The following FREM1 variants were observed in gnomAD, a reference collection of about 807,000 sequenced individuals.
FREM1 encodes the protein FRAS1-related extracellular matrix protein 1.
Under a neutral mutation model 210.1 loss-of-function variants are expected in FREM1, and 220 were observed. That is an observed-to-expected ratio of 1.05 (90% CI 0.94 to 1.17). The LOEUF (loss-of-function observed/expected upper bound fraction) is 1.17. Among genes scored for constraint, FREM1 ranks in the 50% most tolerant of loss-of-function variants. The pLI, the probability that FREM1 is intolerant of heterozygous loss-of-function variation, is 0.00. For missense variants in FREM1, 3,454 were observed against 2,675.5 expected (o/e 1.29, Z -6.42); for synonymous variants, 1,189 against 980.2 (o/e 1.21, Z -3.98).
intron 35 of FREM1, among the ~76,000 whole-genome samples, chr9:14,742,734 T>C (rs1297913013): frequency 6.6e-6 from 1 of 152,176 alleles, no homozygotes; most frequent in Non-Finnish European, 1.5e-5. Context: ...TTAGGATCCA[T>C]AATTTAATAA....
At chr9:14,863,926 T>C in intron 2 of FREM1, 23 bp from the exon 3 acceptor site, 2 of 1,425,666 alleles carry the variant, frequency 1.4e-6, no homozygotes, top group Non-Finnish European at 2.0e-6. Flanking sequence ...AAGAATTGGA[T>C]AAATATCTAT....
intron 19 of FREM1, among the ~76,000 whole-genome samples, chr9:14,804,510 G>A (rs556694571): frequency 1.1e-4 from 17 of 152,198 alleles, no homozygotes; most frequent in Admixed American, 2.0e-4. Flanking sequence ...GCGTGAACCC[G>A]GGGGGCGGAG....
intron 8 of FREM1, among the ~76,000 whole-genome samples, chr9:14,843,988 G>C (rs1245493986): frequency 6.6e-6 from 1 of 152,188 alleles, no homozygotes; most frequent in Non-Finnish European, 1.5e-5. Context: ...TTACCCATTT[G>C]TAAAATGGGA....
chr9:14,776,238 A>G, intron 24 of FREM1, 35 bp from the exon 25 acceptor site: 2 of 1,505,438 alleles, frequency 1.3e-6, no homozygotes, highest in Non-Finnish European at 1.8e-6. Context: ...TTCAGCATGG[A>G]TTCTTGTGTC....
chr9:14,868,919 C>G lies in FREM1; in HGVS notation c.59G>C (p.Trp20Ser). ...NAVLLLLLLA[W>S]ASPTFISINR... ...GATGCTGATGAAGGTGGGGCTGGCC[C>G]AGGCCAGGAGGAGCAGCAGCAGCAC... Residue 20 changes from tryptophan to serine, a missense_variant, in exon 2 of 37, where the codon TGG becomes TCG. By Grantham distance (177) the Trp-to-Ser change is radical. Transcript: ENST00000380880. 2 of 1,604,398 alleles carry G rather than the reference C, an allele frequency of 1.2e-6. No individual in the cohort carries two copies. The highest frequency in any genetic ancestry group is 1.7e-6 in the Non-Finnish European group (2 of 1,176,134).
Position 14,770,748 on chromosome 9 carries a change from A to T in FREM1, c.4916T>A (p.Val1639Glu). 6.2e-7 allele frequency: 1 copy of T among 1,613,538 alleles called. No individual in the cohort carries two copies. Among genetic ancestry groups the T allele is most frequent in the Non-Finnish European group, 8.5e-7 (1 of 1,179,666 alleles). ...RITLLHSPSQ[V>E]GLLKNGCYGI... Reference sequence around the variant, plus strand: ...GTAGCAGCCATTTTTCAGGAGCCCCACTTGAGAAGGGGAATGCAAGAGTGT... The same window carrying T: ...GTAGCAGCCATTTTTCAGGAGCCCCTCTTGAGAAGGGGAATGCAAGAGTGT... Residue 1639 changes from valine to glutamate, a missense_variant, in exon 26 of 37, where the codon GTG becomes GAG. Coordinates refer to ENST00000380880, the MANE Select transcript of FREM1 (RefSeq NM_001379081.2).
At chr9:14,878,316 T>A (rs1834149690) in intron 1 of FREM1, among the ~76,000 whole-genome samples, 1 of 151,980 alleles carries the variant, frequency 6.6e-6, no homozygotes, top group South Asian at 2.1e-4. Context: ...CAAATCAAGA[T>A]CCATTCCTCC....
At chr9:14,791,848 T>C (rs117744611) in intron 22 of FREM1, among the ~76,000 whole-genome samples, 42,494 of 151,906 alleles carry the variant, frequency 0.28, 6,165 homozygotes, top group Middle Eastern at 0.34. Flanking sequence ...TGTTTTGTTT[T>C]TTAAGACGGA....
At chr9:14,754,460 T>C (rs968296037) in intron 29 of FREM1, among the ~76,000 whole-genome samples, 8 of 152,188 alleles carry the variant, frequency 5.3e-5, no homozygotes, top group African/African-American at 1.7e-4. Flanking sequence ...TTTTTGCATG[T>C]CGAAGTGAAG....
At chr9:14,854,306 C>A (rs1828318446) in intron 5 of FREM1, among the ~76,000 whole-genome samples, 1 of 151,950 alleles carries the variant, frequency 6.6e-6, no homozygotes, top group African/African-American at 2.4e-5. Flanking sequence ...TCTATTACTA[C>A]CACAAATATA....
chr9:14,770,026 C>T (rs984346003), intron 26 of FREM1, among the ~76,000 whole-genome samples, 158 bp from the exon 27 acceptor site: 2 of 152,060 alleles, frequency 1.3e-5, no homozygotes, highest in Non-Finnish European at 2.9e-5. Flanking sequence ...TATCTTAAAA[C>T]TCAAATGCAG....
At chr9:14,850,374 A>G (rs1588358844) in intron 6 of FREM1, 1 of 149,222 alleles carries the variant, frequency 6.7e-6, no homozygotes, top group Non-Finnish European at 1.5e-5. Flanking sequence ...AAGGATTCCC[A>G]TAAAAAGCTC....
At chr9:14,819,189 A>T in intron 14 of FREM1, 45 bp downstream of exon 14, 1 of 1,392,964 alleles carries the variant, frequency 7.2e-7, no homozygotes, top group Middle Eastern at 2.4e-4. Flanking sequence ...TGATCTAGAT[A>T]AGAAACTAAA....
intron 28 of FREM1, among the ~76,000 whole-genome samples, chr9:14,757,419 G>T (rs1170098404): frequency 2.6e-5 from 4 of 152,226 alleles, no homozygotes; most frequent in African/African-American, 9.6e-5. Flanking sequence ...GCCAGGCATG[G>T]TGGCGGCCGC....
At chr9:14,826,477 C>T (rs965991639) in intron 10 of FREM1, among the ~76,000 whole-genome samples, 6 of 152,208 alleles carry the variant, frequency 3.9e-5, no homozygotes, top group African/African-American at 1.4e-4. Flanking sequence ...TCCTTGACCA[C>T]ACTTCTAGAA....
In FREM1 at chr9:14,737,422, T is replaced by G. The variant is rs1370377389; in HGVS notation, c.6514A>C (p.Asn2172His). ...TAGAGTTTTCTGGAACACACATAAT[T>G]ATGAGGTTTGGCTCTCCTACAGTCT... ...TKDCRRAKPH[N>H]YVCSRKL Residue 2172 changes from asparagine (N) to histidine (H), a missense_variant, in exon 37 of 37, where the codon AAT becomes CAT. Asn to His is a moderately conservative substitution (Grantham distance 68). Transcript: ENST00000380880. The G allele has an allele frequency of 6.2e-7, 1 of 1,613,730 alleles. No individual in the cohort carries two copies. Among genetic ancestry groups the G allele is most frequent in the Non-Finnish European group, 8.5e-7 (1 of 1,179,794 alleles).
intron 1 of FREM1, among the ~76,000 whole-genome samples, chr9:14,878,068 C>T (rs939758107): frequency 1.3e-5 from 2 of 152,160 alleles, no homozygotes; most frequent in African/African-American, 4.8e-5. Context: ...CCTGCCTTTC[C>T]TCTAGGCATT....
chr9:14,824,588 G>C (rs1821989402), intron 11 of FREM1, among the ~76,000 whole-genome samples: 1 of 152,172 alleles, frequency 6.6e-6, no homozygotes, highest in South Asian at 2.1e-4. Flanking sequence ...GACACTACAA[G>C]CTGCAGATCA....
At chr9:14,862,118 AAC>A (rs1234701462) in intron 3 of FREM1, among the ~76,000 whole-genome samples, 1 of 152,172 alleles carries the variant, frequency 6.6e-6, no homozygotes, top group East Asian at 1.9e-4. Flanking sequence ...TCATTTTCTC[AAC>A]ACAGCATTTT....
Sources: gnomAD v4.1 joint callset for allele counts (sites outside exome capture counted in the v4.1 genomes callset) on GRCh38, gnomAD v4.1.1 for gene constraint, MANE v1.5 for transcripts, NCBI Gene and HGNC (gene_info 2026-07-23, HGNC 2026-07-21) for gene names.